The following CEACAM19 variants were observed in gnomAD, a reference collection of about 807,000 sequenced individuals.
The protein encoded by CEACAM19 is cell adhesion molecule CEACAM19.
A neutral mutation model predicts 37.6 loss-of-function variants in CEACAM19; 37 were observed. That is an observed-to-expected ratio of 0.98 (90% CI 0.76 to 1.29). CEACAM19 has a LOEUF of 1.29. Ranked by LOEUF, CEACAM19 falls within the 50% of genes most tolerant of loss-of-function variation. The probability of loss-of-function intolerance (pLI) is 0.00; values close to 1 mark genes in which losing one functional copy is unlikely to be tolerated. For missense variants in CEACAM19, 340 were observed against 375.6 expected, an observed-to-expected ratio of 0.91 and a Z score of 0.78; for synonymous variants, 140 against 149.8, an observed-to-expected ratio of 0.93 and a Z score of 0.48.
At chr19:44,669,542 C>G (rs930990554), upstream of CEACAM19, among the ~76,000 whole-genome samples, 1 of 152,078 alleles carries the variant, frequency 6.6e-6, no homozygotes, top group Non-Finnish European at 1.5e-5. Flanking sequence ...TTGATCTCTC[C>G]TACCTCCCAG....
intron 6 of CEACAM19, among the ~76,000 whole-genome samples, chr19:44,681,909 G>A (rs940107218): frequency 3.3e-5 from 5 of 150,668 alleles, no homozygotes; most frequent in Admixed American, 6.6e-5. Flanking sequence ...CAGCCTGCAC[G>A]ACAGGAGCGA....
chr19:44,678,703 G>A (rs1448395030), intron 3 of CEACAM19, 150 bp from the exon 4 acceptor site: 4 of 1,120,128 alleles, frequency 3.6e-6, no homozygotes, highest in Non-Finnish European at 4.9e-6. Flanking sequence ...GAGCCACTGA[G>A]CCCAATTACT....
Position 44,672,731 on chromosome 19 carries a change from A to C in CEACAM19, c.191A>C (p.Asn64Thr). The change falls in exon 2 of 8, where the codon AAC becomes ACC. Residue 64 changes from asparagine (N) to threonine (T), a missense_variant. By Grantham distance (65) the Asn-to-Thr change is moderately conservative (BLOSUM62 0). Coordinates refer to ENST00000358777, the MANE Select transcript of CEACAM19 (RefSeq NM_001127893.3). ...GTCCCAGACACCTTCCAGGACTTCA[A>C]CTGGTACCTGGGGGAGGAGACGTAC... is the stretch of plus-strand genomic sequence containing the variant. ...QGVPDTFQDFNWYLGEETYGG... is the reference protein window; with the variant it reads ...QGVPDTFQDFTWYLGEETYGG... The C allele has an allele frequency of 1.3e-6, 2 of 1,584,030 alleles. No homozygotes were observed. The highest frequency in any genetic ancestry group is 2.3e-5 in the East Asian group (1 of 43,266).
rs952360278 is a variant in CEACAM19 at position 44,678,749 on chromosome 19, C to T, written c.576-104C>T. The T allele has an allele frequency of 1.9e-5, 28 of 1,484,796 alleles. No individual in the cohort carries two copies. The African/African-American group carries it at 2.8e-4, about 15-fold the overall frequency. 92.0% of individuals were successfully genotyped at this position (1,484,796 alleles called of 1,614,324 possible). ...TCAAAACCGCACACACACCTTCCAC[C>T]CCCTCCCCCCTCTCCATTTTCCTTC... On this transcript the variant is annotated intron_variant, in intron 3 of 7. Coordinates refer to ENST00000358777, the MANE Select transcript of CEACAM19 (RefSeq NM_001127893.3).
At position 44,672,879 on chromosome 19, in the gene CEACAM19, G is replaced by A. The variant is rs969263501; in HGVS notation, c.339G>A (p.Gln113=). The A allele has an allele frequency of 1.9e-6, 3 of 1,586,840 alleles. No individual in the cohort carries two copies. The highest frequency in any genetic ancestry group is 2.3e-5 in the South Asian group (2 of 87,260). ...PNGSMLLRRA[Q]PTDSGTYQVA... ...GTTCCATGCTGCTGCGCCGCGCCCA[G>A]CCTACAGACAGTGGCACCTACCAAG... The change falls in exon 2 of 8, where the codon CAG becomes CAA. Residue 113 remains glutamine, a synonymous_variant. Transcript: ENST00000358777.
chr19:44,673,104 C>A, intron 2 of CEACAM19, 140 bp downstream of exon 2: 2 of 603,890 alleles, frequency 3.3e-6, no homozygotes, highest in Non-Finnish European at 5.0e-6. Context: ...TACTGTGTAC[C>A]AATCCCCAGA....
chr19:44,677,314 A>T (rs1391951539), intron 3 of CEACAM19, among the ~76,000 whole-genome samples: 1 of 152,204 alleles, frequency 6.6e-6, no homozygotes, highest in African/African-American at 2.4e-5. Context: ...AACTCCGTTT[A>T]ATCAAGTGGA....
In CEACAM19 at chr19:44,671,845, T is replaced by C. The variant is rs767870510; in HGVS notation, c.-87T>C. On this transcript the variant is annotated 5_prime_UTR_variant, in exon 1 of 8. Coordinates refer to ENST00000358777, the MANE Select transcript of CEACAM19 (RefSeq NM_001127893.3). ...GGCACCCCTGGGATCCCCACTGAGC[T>C]GGCCTACTTCAGACAGCCAGGGCCC... The C allele has an allele frequency of 2.5e-5, 30 of 1,204,554 alleles. No homozygotes were observed. The highest frequency in any genetic ancestry group is 3.5e-5 in the Non-Finnish European group (29 of 833,936). The allele number at this position is 1,204,554 out of a possible 1,614,324, so 74.6% of individuals were successfully genotyped here.
chr19:44,680,627 C>T (rs976990529), intron 5 of CEACAM19, among the ~76,000 whole-genome samples: 2 of 152,072 alleles, frequency 1.3e-5, no homozygotes, highest in East Asian at 1.9e-4. Flanking sequence ...ACACCCAGCT[C>T]CTCACTGGTC....
At chr19:44,672,560 C>G in intron 1 of CEACAM19, 36 bp from the exon 2 acceptor site, 1 of 1,455,510 alleles carries the variant, frequency 6.9e-7, no homozygotes, top group Non-Finnish European at 9.1e-7. Context: ...CCTGGCAACA[C>G]CCCTGATCTC....
chr19:44,666,979 G>A (rs1203992778), upstream of CEACAM19: 1 of 151,870 alleles, frequency 6.6e-6, no homozygotes, highest in East Asian at 1.9e-4. Context: ...GAGGCCCAGA[G>A]AGGTGAAGTC....
Position 44,676,340 on chromosome 19 carries a change from G to A in CEACAM19, c.494G>A (p.Gly165Glu). Residue 165 changes from glycine (G) to glutamate (E), a missense_variant, in exon 3 of 8, where the codon GGA becomes GAA. By Grantham distance (98) the Gly-to-Glu change is moderately conservative. Transcript: ENST00000358777. Reference protein sequence around the residue: ...NAGILAATIIGSLAAGALLIS... With the variant: ...NAGILAATIIESLAAGALLIS... Reference sequence around the variant, plus strand: ...GGGATCCTGGCGGCCACCATCATTGGATCTCTTGCTGCCGGGGCCCTTCTC... The same window carrying A: ...GGGATCCTGGCGGCCACCATCATTGAATCTCTTGCTGCCGGGGCCCTTCTC... The A allele has an allele frequency of 6.2e-7, 1 of 1,614,102 alleles. No homozygotes were observed.
upstream of CEACAM19, among the ~76,000 whole-genome samples, chr19:44,669,091 A>T (rs1417738256): frequency 1.3e-5 from 2 of 151,488 alleles, no homozygotes; most frequent in African/African-American, 4.9e-5. Flanking sequence ...AAGTGCTAGG[A>T]CTACAGGCAT....
chr19:44,672,787 G>A lies in CEACAM19; in HGVS notation c.247G>A (p.Gly83Arg), dbSNP rs754495072. The A allele has an allele frequency of 6.3e-7, 1 of 1,585,882 alleles. No individual in the cohort carries two copies. Among genetic ancestry groups the A allele is most frequent in the East Asian group, 2.3e-5 (1 of 43,690 alleles). The change falls in exon 2 of 8, where the codon GGG (glycine) becomes AGG (arginine). Residue 83 changes from glycine to arginine, a missense_variant. Gly to Arg is a moderately radical substitution (Grantham distance 125). Coordinates refer to ENST00000358777, the MANE Select transcript of CEACAM19 (RefSeq NM_001127893.3). The part of the protein sequence containing the change: ...GGTRLFTYIP[G>R]IQRPQRDGSA... ...CACGAGGCTATTTACCTACATCCCT[G>A]GGATACAACGGCCTCAGAGGGATGG...
rs114307023 is a variant in CEACAM19 at position 44,672,838 on chromosome 19, G to A, written c.298G>A (p.Val100Met). The A allele has an allele frequency of 5.6e-5, 89 of 1,601,234 alleles. No individual in the cohort carries two copies. The highest frequency in any genetic ancestry group is 6.7e-5 in the African/African-American group (5 of 74,706). Residue 100 changes from valine to methionine, a missense_variant, in exon 2 of 8, where the codon GTG (valine) becomes ATG (methionine). Coordinates refer to ENST00000358777, the MANE Select transcript of CEACAM19 (RefSeq NM_001127893.3). Reference protein sequence around the residue: ...DGSAMGQRDIVGFPNGSMLLR... With the variant: ...DGSAMGQRDIMGFPNGSMLLR... ...CAGTGCCATGGGACAGCGAGACATC[G>A]TGGGCTTCCCCAATGGTTCCATGCT...
chr19:44,668,440 TA>T (rs1193487406), upstream of CEACAM19, among the ~76,000 whole-genome samples: 4 of 65,696 alleles, frequency 6.1e-5, no homozygotes, highest in Non-Finnish European at 1.0e-4. Flanking sequence ...TATATATTAT[TA>T]TATATATTTT....
chr19:44,679,043 G>A, intron 4 of CEACAM19, 107 bp downstream of exon 4: 5 of 1,499,460 alleles, frequency 3.3e-6, no homozygotes, highest in Non-Finnish European at 3.6e-6. Context: ...CCAAGGTTGG[G>A]GTGCAGTGGT....
At chr19:44,668,757 AAT>A (rs1441328625), upstream of CEACAM19, among the ~76,000 whole-genome samples, 10 of 89,974 alleles carry the variant, frequency 1.1e-4, no homozygotes, top group East Asian at 4.7e-4. Flanking sequence ...AATATAATAT[AAT>A]ATATATAATA....
chr19:44,678,203 C>G (rs1838381254), intron 3 of CEACAM19: 1 of 152,346 alleles, frequency 6.6e-6, no homozygotes. Context: ...CCAAGCTGAC[C>G]TCAAACTCCT....
Sources: allele counts gnomAD v4.1 joint callset (sites outside exome capture counted in the v4.1 genomes callset), GRCh38; gene constraint gnomAD v4.1.1; transcripts MANE v1.5; gene names NCBI Gene and HGNC (gene_info 2026-07-23, HGNC 2026-07-21).